The following ATXN7 variants were observed in gnomAD, a reference collection of about 807,000 sequenced individuals.
The protein encoded by ATXN7 is ataxin 7.
ATXN7 carries 12 observed loss-of-function variants against 70.5 expected under a neutral mutation model. The observed-to-expected ratio is 0.17, with a 90% CI of 0.11 to 0.28. The LOEUF (loss-of-function observed/expected upper bound fraction) is 0.28, where lower values mean the gene tolerates loss of function less well. Among genes scored for constraint, ATXN7 ranks in the 10% least tolerant of loss-of-function variants. ATXN7 has a pLI of 1.00. For missense variants in ATXN7, 1,256 were observed against 1,131.7 expected, an observed-to-expected ratio of 1.11 and a Z score of -1.58; for synonymous variants, 498 against 448.7, an observed-to-expected ratio of 1.11 and a Z score of -1.39.
chr3:63,957,685 G>A (rs2075061447), intron 5 of ATXN7, among the ~76,000 whole-genome samples: 1 of 152,202 alleles, frequency 6.6e-6, no homozygotes, highest in Non-Finnish European at 1.5e-5. Context: ...TTAGGCAAGT[G>A]TTGTCCACAC....
chr3:63,884,368 C>T (rs552121967), intron 1 of ATXN7, among the ~76,000 whole-genome samples: 4 of 150,932 alleles, frequency 2.7e-5, no homozygotes, highest in Non-Finnish European at 1.5e-5. Flanking sequence ...ATTTGAGCAG[C>T]TAAAAAACAT....
At chr3:63,937,559 A>T (rs576826772) in intron 4 of ATXN7, among the ~76,000 whole-genome samples, 1 of 152,354 alleles carries the variant, frequency 6.6e-6, no homozygotes, top group Admixed American at 6.5e-5. Context: ...TTTTACATAC[A>T]CAAGTGTCTT....
rs982821564 is a variant in ATXN7 at position 63,871,877 on chromosome 3, G to C, written c.-111+7719G>C. Among the ~76,000 whole-genome samples the C allele has an allele frequency of 1.7e-3, 251 of 149,378 alleles. 2 individuals carry two copies. The highest frequency in any genetic ancestry group is 5.7e-3 in the African/African-American group (234 of 40,804). ...TGTTTTTAAATTTAAAAAAAAAACA[G>C]ATTATAATTTAATGCTTTAATTATC... On this transcript the variant is annotated intron_variant, in intron 1 of 12. Transcript: ENST00000674280.
chr3:63,879,747 G>C (rs1702852017), intron 1 of ATXN7, among the ~76,000 whole-genome samples: 1 of 152,006 alleles, frequency 6.6e-6, no homozygotes, highest in African/African-American at 2.4e-5. Flanking sequence ...ATAAGGCAGA[G>C]TGAATTAGCA....
chr3:63,876,806 G>A (rs1278242088), intron 1 of ATXN7, among the ~76,000 whole-genome samples: 1 of 152,190 alleles, frequency 6.6e-6, no homozygotes, highest in Admixed American at 6.5e-5. Context: ...GCTAGCATTT[G>A]TAGTGGAGGA....
At chr3:63,933,645 G>A (rs2074599905) in intron 4 of ATXN7, among the ~76,000 whole-genome samples, 2 of 152,254 alleles carry the variant, frequency 1.3e-5, no homozygotes, top group South Asian at 2.1e-4. Flanking sequence ...GAAACAAAAT[G>A]TTAAGTGACT....
At chr3:63,938,730 T>A (rs2074705838) in intron 4 of ATXN7, among the ~76,000 whole-genome samples, 1 of 152,234 alleles carries the variant, frequency 6.6e-6, no homozygotes, top group Non-Finnish European at 1.5e-5. Flanking sequence ...ATTTGAATTG[T>A]TTTCACAAGC....
Position 63,999,584 on chromosome 3 carries a change from G to T in ATXN7, c.*117G>T. On this transcript the variant is annotated 3_prime_UTR_variant, in exon 13 of 13. Coordinates refer to ENST00000674280, the MANE Select transcript of ATXN7 (RefSeq NM_001377405.1). ...AGTCTGTTTTCCCAACCTCCTGTGG[G>T]CCTCAAGGGTAGAAACCTGCCGGGC... The T allele has an allele frequency of 6.5e-7, 1 of 1,550,182 alleles. No individual in the cohort carries two copies. Among genetic ancestry groups the T allele is most frequent in the Non-Finnish European group, 8.8e-7 (1 of 1,140,818 alleles).
intron 4 of ATXN7, among the ~76,000 whole-genome samples, chr3:63,941,480 G>T (rs373869970): frequency 6.6e-6 from 1 of 152,164 alleles, no homozygotes; most frequent in African/African-American, 2.4e-5. Flanking sequence ...GATTATATGC[G>T]GTGGAACAGT....
chr3:63,982,093 G>C, intron 6 of ATXN7, 93 bp from the exon 7 acceptor site: 1 of 1,556,686 alleles, frequency 6.4e-7, no homozygotes, highest in South Asian at 1.2e-5. Flanking sequence ...GCTTGGGTAG[G>C]CCCAGGCTCT....
At chr3:63,883,289 C>T (rs935078692) in intron 1 of ATXN7, among the ~76,000 whole-genome samples, 2 of 152,120 alleles carry the variant, frequency 1.3e-5, no homozygotes, top group East Asian at 3.8e-4. Context: ...GTATTAGATC[C>T]TGGCCCCAGA....
At chr3:63,940,592 C>T (rs1043236366) in intron 4 of ATXN7, among the ~76,000 whole-genome samples, 1 of 152,146 alleles carries the variant, frequency 6.6e-6, no homozygotes, top group Non-Finnish European at 1.5e-5. Context: ...TGTTCTTTAT[C>T]GAGCCCTTAT....
Position 64,002,976 on chromosome 3 carries a change from A to G in ATXN7, c.*3509A>G, listed in dbSNP as rs953336290. The G allele has an allele frequency of 2.6e-5, 4 of 152,184 alleles. No individual in the cohort carries two copies. The highest frequency in any genetic ancestry group is 7.2e-5 in the African/African-American group (3 of 41,444). 9.4% of individuals were successfully genotyped at this position (152,184 alleles called of 1,614,324 possible). ...ATGTATAATTTGAAAAATGTAACTT[A>G]TAAGGGCAGCTGTCTTCCTGCAAGA... is the stretch of plus-strand genomic sequence containing the variant. On this transcript the variant is annotated 3_prime_UTR_variant, in exon 13 of 13. Transcript: ENST00000674280.
In ATXN7 at chr3:63,999,458, A is replaced by C. The variant is rs752494599; in HGVS notation, c.2670A>C (p.Ala890=). 3.2e-5 allele frequency: 52 copies of C among 1,613,908 alleles called. 1 individual carries two copies. The Admixed American group carries it at 5.0e-4, about 16-fold the overall frequency. Reference sequence around the variant, plus strand: ...CCCCTCTTTTTTGAAAGCCAAAGGCACGTCCCTGACAGCTGAAAATAGCAC... The same window carrying C: ...CCCCTCTTTTTTGAAAGCCAAAGGCCCGTCCCTGACAGCTGAAAATAGCAC... ...MNSSLLHQPK[A]RP is the part of the protein sequence containing the mutation. The change falls in exon 13 of 13, where the codon GCA becomes GCC. Residue 890 remains alanine (A), a synonymous_variant. Coordinates refer to ENST00000674280, the MANE Select transcript of ATXN7 (RefSeq NM_001377405.1).
At chr3:63,901,776 T>G (rs938447593) in intron 2 of ATXN7, 3 of 152,196 alleles carry the variant, frequency 2.0e-5, no homozygotes, top group Admixed American at 2.0e-4. Flanking sequence ...TATTCCATTG[T>G]GTGTGTGTAT....
At chr3:63,975,440 T>C (rs1404725110) in intron 5 of ATXN7, among the ~76,000 whole-genome samples, 1 of 152,228 alleles carries the variant, frequency 6.6e-6, no homozygotes, top group Non-Finnish European at 1.5e-5. Flanking sequence ...GAATAACCAC[T>C]TTTTAAAAAG....
At position 63,982,168 on chromosome 3, in the gene ATXN7, C is replaced by A; in HGVS notation, c.753-18C>A. ...TGAGGCACTCAGGCACTGGTTTTCT[C>A]ACTTCCTCCTGTGACAGCATGACAC... On this transcript the variant is annotated intron_variant, in intron 6 of 12. Coordinates refer to ENST00000674280, the MANE Select transcript of ATXN7 (RefSeq NM_001377405.1). 1 of 1,613,804 alleles carries A rather than the reference C, an allele frequency of 6.2e-7. No individual in the cohort carries two copies. Among genetic ancestry groups the A allele is most frequent in the South Asian group, 1.1e-5 (1 of 91,066 alleles).
intron 8 of ATXN7, among the ~76,000 whole-genome samples, chr3:63,984,768 T>C (rs570950984): frequency 6.6e-6 from 1 of 152,350 alleles, no homozygotes; most frequent in East Asian, 1.9e-4. Context: ...TTATGCTCAT[T>C]GATTAGTAAC....
intron 4 of ATXN7, among the ~76,000 whole-genome samples, chr3:63,949,767 G>T (rs1001827380): frequency 6.6e-6 from 1 of 152,090 alleles, no homozygotes; most frequent in East Asian, 1.9e-4. Context: ...CACAGAGGGG[G>T]TGTGTGTGTG....
Sources: gnomAD v4.1 joint callset for allele counts (sites outside exome capture counted in the v4.1 genomes callset) on GRCh38, gnomAD v4.1.1 for gene constraint, MANE v1.5 for transcripts, NCBI Gene and HGNC (gene_info 2026-07-23, HGNC 2026-07-21) for gene names.